Variants in ZFPM2 observed in about 807,000 individuals in gnomAD.
The protein encoded by ZFPM2 is zinc finger protein ZFPM2.
Under a neutral mutation model 98.6 loss-of-function variants are expected in ZFPM2, and 20 were observed. The ratio of observed to expected loss-of-function variants is 0.20; its 90% CI spans 0.14 to 0.29. The LOEUF (loss-of-function observed/expected upper bound fraction) is 0.29. Ranked by LOEUF, ZFPM2 falls within the 10% of genes least tolerant of loss-of-function variation. The probability of loss-of-function intolerance (pLI) is 1.00; values close to 1 mark genes in which losing one functional copy is unlikely to be tolerated. For missense variants in ZFPM2, 1,310 were observed against 1,388.6 expected, an observed-to-expected ratio of 0.94 and a Z score of 0.90; for synonymous variants, 518 against 502.7, an observed-to-expected ratio of 1.03 and a Z score of -0.41.
intron 5 of ZFPM2, among the ~76,000 whole-genome samples, chr8:105,641,600 A>C (rs1360414785): frequency 6.6e-6 from 1 of 152,130 alleles, no homozygotes; most frequent in Non-Finnish European, 1.5e-5. Flanking sequence ...CAACTTCTGC[A>C]AATAGTGAGC....
At chr8:105,561,325 A>C (rs1400877099) in intron 3 of ZFPM2, 38 bp from the exon 4 acceptor site, 2 of 1,524,236 alleles carry the variant, frequency 1.3e-6, no homozygotes, top group South Asian at 1.1e-5. Flanking sequence ...ATAAAGTACA[A>C]GTAAGTATTC....
Position 105,356,117 on chromosome 8 carries a change from C to T in ZFPM2, c.40+37136C>T, listed in dbSNP as rs1183726466. ...AATTGTAACAAACACAGTGGTTAAA[C>T]TTTCCACTTTCAGAATTCCTCCTTT... On this transcript the variant is annotated intron_variant, in intron 1 of 7. Coordinates refer to ENST00000407775, the MANE Select transcript of ZFPM2 (RefSeq NM_012082.4). Among the ~76,000 whole-genome samples the T allele has an allele frequency of 6.6e-5, 10 of 152,308 alleles. No homozygotes were observed. The East Asian group carries it at 7.7e-4, about 12-fold the overall frequency.
chr8:105,761,825 A>G (rs1941203987), intron 5 of ZFPM2, among the ~76,000 whole-genome samples: 1 of 152,024 alleles, frequency 6.6e-6, no homozygotes, highest in African/African-American at 2.4e-5. Flanking sequence ...TGATAAAACA[A>G]TAGTCTCAAA....
At chr8:105,651,976 T>C (rs1817187665) in intron 5 of ZFPM2, among the ~76,000 whole-genome samples, 1 of 152,146 alleles carries the variant, frequency 6.6e-6, no homozygotes, top group African/African-American at 2.4e-5. Context: ...AAATGTTGCA[T>C]ATATACATAG....
chr8:105,638,964 G>A (rs1816900285), intron 5 of ZFPM2, among the ~76,000 whole-genome samples: 2 of 151,894 alleles, frequency 1.3e-5, no homozygotes, highest in South Asian at 4.1e-4. Context: ...AAGTAATTAG[G>A]TCATCCAGAC....
At chr8:105,613,302 C>T (rs990422232) in intron 4 of ZFPM2, among the ~76,000 whole-genome samples, 11 of 151,740 alleles carry the variant, frequency 7.2e-5, no homozygotes, top group African/African-American at 1.9e-4. Flanking sequence ...GGGAAGAAGA[C>T]GGGGCTGGGA....
intron 5 of ZFPM2, among the ~76,000 whole-genome samples, chr8:105,687,321 A>C (rs1384917329): frequency 6.6e-6 from 1 of 152,162 alleles, no homozygotes; most frequent in Non-Finnish European, 1.5e-5. Context: ...GCTTATGAGA[A>C]CTATTAGACT....
chr8:105,763,286 T>G (rs1812776619), intron 5 of ZFPM2, among the ~76,000 whole-genome samples: 2 of 151,708 alleles, frequency 1.3e-5, no homozygotes, highest in Non-Finnish European at 2.9e-5. Flanking sequence ...CAGCGGACAA[T>G]AGAGGTCTGA....
intron 5 of ZFPM2, among the ~76,000 whole-genome samples, chr8:105,782,024 T>G (rs753659961): frequency 4.6e-5 from 7 of 152,106 alleles, no homozygotes; most frequent in African/African-American, 9.7e-5. Flanking sequence ...TTCCTTCTCC[T>G]CCTCCAGTTC....
intron 1 of ZFPM2, among the ~76,000 whole-genome samples, chr8:105,376,690 T>C (rs1267996414): frequency 2.0e-5 from 3 of 152,202 alleles, no homozygotes; most frequent in African/African-American, 7.2e-5. Context: ...CATCTTCTCA[T>C]ATCCAATCTA....
chr8:105,426,887 G>T (rs1051589228), intron 2 of ZFPM2, among the ~76,000 whole-genome samples: 1 of 152,176 alleles, frequency 6.6e-6, no homozygotes, highest in African/African-American at 2.4e-5. Context: ...AACACGGGAA[G>T]AGGAGGTTGC....
intron 5 of ZFPM2, among the ~76,000 whole-genome samples, chr8:105,748,614 G>A (rs868352768): frequency 7.2e-5 from 11 of 152,052 alleles, no homozygotes; most frequent in South Asian, 2.1e-4. Flanking sequence ...TTGTCTTTGC[G>A]ATAGGTTATG....
chr8:105,412,198 A>G (rs1003226438), intron 1 of ZFPM2, among the ~76,000 whole-genome samples: 1 of 151,900 alleles, frequency 6.6e-6, no homozygotes, highest in Non-Finnish European at 1.5e-5. Flanking sequence ...AACAATTTGA[A>G]TAAGACCTGA....
At chr8:105,480,045 A>G (rs1297280379) in intron 3 of ZFPM2, among the ~76,000 whole-genome samples, 1 of 152,208 alleles carries the variant, frequency 6.6e-6, no homozygotes, top group African/African-American at 2.4e-5. Context: ...ACTAGCTGTA[A>G]GCTCAGTTAT....
At chr8:105,419,044 T>G in intron 1 of ZFPM2, 100 bp from the exon 2 acceptor site, 2 of 1,116,080 alleles carry the variant, frequency 1.8e-6, no homozygotes, top group African/African-American at 1.6e-5. Flanking sequence ...GAGTATATTA[T>G]TTTTCTCACC....
rs568859199 is a variant in ZFPM2, at chr8:105,687,390, G to A, written c.532+53033G>A. On this transcript the variant is annotated intron_variant, in intron 5 of 7. Coordinates refer to ENST00000407775, the MANE Select transcript of ZFPM2 (RefSeq NM_012082.4). The stretch of plus-strand genomic sequence containing the variant: ...TTGTAAGAGAATCTTGTCATCTCAG[G>A]GAAATGTATTAATAAAACCCACTGC... Among the ~76,000 whole-genome samples the A allele has an allele frequency of 3.3e-5, 5 of 152,152 alleles. No homozygotes were observed. In the South Asian group the frequency reaches 1.0e-3, roughly 32 times the overall value.
At chr8:105,730,781 T>C (rs958615404) in intron 5 of ZFPM2, among the ~76,000 whole-genome samples, 16 of 58,066 alleles carry the variant, frequency 2.8e-4, no homozygotes, top group East Asian at 1.3e-3. Context: ...TTTTTCTTTT[T>C]TTTTTTTTTT....
chr8:105,466,182 A>T (rs1180257576), intron 3 of ZFPM2, among the ~76,000 whole-genome samples: 1 of 151,868 alleles, frequency 6.6e-6, no homozygotes, highest in African/African-American at 2.4e-5. Flanking sequence ...TGCCAAACTA[A>T]TTTTTATTTT....
At chr8:105,710,172 A>G (rs1378371689) in intron 5 of ZFPM2, among the ~76,000 whole-genome samples, 1 of 152,086 alleles carries the variant, frequency 6.6e-6, no homozygotes, top group Non-Finnish European at 1.5e-5. Flanking sequence ...ATTGGCATAA[A>G]TAAAGTTATG....
Sources: gnomAD v4.1 joint callset for allele counts (sites outside exome capture counted in the v4.1 genomes callset) on GRCh38, gnomAD v4.1.1 for gene constraint, MANE v1.5 for transcripts, NCBI Gene and HGNC (gene_info 2026-07-23, HGNC 2026-07-21) for gene names.